The following DMD variants were observed in gnomAD, a reference collection of about 807,000 sequenced individuals.
The protein encoded by DMD is mutant dystrophin.
Under a neutral mutation model 330.1 loss-of-function variants are expected in DMD, and 63 were observed. The ratio of observed to expected loss-of-function variants is 0.19; its 90% CI spans 0.16 to 0.24. The LOEUF is 0.24. Among genes scored for constraint, DMD ranks in the 10% least tolerant of loss-of-function variants. DMD has a pLI of 1.00. For missense variants in DMD, 3,344 were observed against 2,684.1 expected, an observed-to-expected ratio of 1.25 and a Z score of -5.43; for synonymous variants, 1,223 against 959.8, an observed-to-expected ratio of 1.27 and a Z score of -5.07.
chrX:32,785,302 T>A (rs1273885275), intron 7 of DMD, among the ~76,000 whole-genome samples: 1 of 111,309 alleles, frequency 9.0e-6, no homozygotes, highest in African/African-American at 3.3e-5. Flanking sequence ...GTATTTGGCT[T>A]GTGTAAGTAA....
rs111387266 is a variant in DMD at position 32,477,072 on chromosome X, A to G, written c.2804-4763T>C. 9.9e-3 allele frequency among the ~76,000 whole-genome samples: 1,099 copies of G among 111,381 alleles called. 19 individuals carry two copies. The highest frequency in any genetic ancestry group is 0.033 in the African/African-American group (1,020 of 30,709). ...CGTTTAGCCAATATATTGCTTATAA[A>G]TATGTAACTTTTTTCTCTAAAGAAA... On this transcript the variant is annotated intron_variant, in intron 21 of 78. Transcript: ENST00000357033.
At chrX:32,611,526 C>A (rs147201552) in intron 12 of DMD, among the ~76,000 whole-genome samples, 1,579 of 111,583 alleles carry the variant, frequency 0.014, 12 homozygotes, top group Middle Eastern at 0.041. Context: ...TTTTCCATTT[C>A]ATTCACATTA....
intron 11 of DMD, among the ~76,000 whole-genome samples, chrX:32,627,045 A>G (rs1421466881): frequency 9.6e-6 from 1 of 104,081 alleles, no homozygotes. Context: ...CAATTCAATC[A>G]GAATATCTGG....
At chrX:31,198,929 A>G (rs2043171481) in intron 67 of DMD, among the ~76,000 whole-genome samples, 1 of 111,858 alleles carries the variant, frequency 8.9e-6, no homozygotes, top group South Asian at 3.8e-4. Flanking sequence ...TTATTTATCT[A>G]TCTCATTCTA....
chrX:33,009,652 G>A (rs868029585), intron 2 of DMD, among the ~76,000 whole-genome samples: 2 of 32,561 alleles, frequency 6.1e-5, no homozygotes, highest in African/African-American at 2.8e-4. Context: ...ACATATGTGT[G>A]TATACGTGTA....
intron 7 of DMD, among the ~76,000 whole-genome samples, chrX:32,763,060 TATATG>T (rs78696585): frequency 0.01 from 1,152 of 111,547 alleles, 6 homozygotes; most frequent in Non-Finnish European, 0.015. Flanking sequence ...TGGGGTCATT[TATATG>T]ATATGTCAGG....
chrX:32,520,193 T>C (rs2046283362), intron 17 of DMD, among the ~76,000 whole-genome samples: 1 of 111,787 alleles, frequency 8.9e-6, no homozygotes, highest in Admixed American at 9.5e-5. Flanking sequence ...ATCCACAAGT[T>C]TGACTATCAG....
chrX:32,931,350 G>A (rs1012173729), intron 2 of DMD, among the ~76,000 whole-genome samples: 5 of 111,253 alleles, frequency 4.5e-5, no homozygotes, highest in Admixed American at 9.7e-5. Flanking sequence ...AGAGTGCGTG[G>A]TTACTGTCGA....
chrX:32,603,324 C>T (rs2056388447), intron 12 of DMD, among the ~76,000 whole-genome samples: 1 of 110,975 alleles, frequency 9.0e-6, no homozygotes, highest in Non-Finnish European at 1.9e-5. Flanking sequence ...TAAAAAGAGA[C>T]ATACAACATA....
At chrX:32,967,849 T>C (rs942231979) in intron 2 of DMD, among the ~76,000 whole-genome samples, 23 of 112,039 alleles carry the variant, frequency 2.1e-4, no homozygotes, top group African/African-American at 7.4e-4. Context: ...GGTTGTAGAA[T>C]ATTTCTATGC....
At position 31,198,023 on chromosome X, in the gene DMD, TAA is replaced by T. The variant is rs61065027; in HGVS notation, c.9807+5936_9807+5937del. ...CATGTTCTCACTCATGTGTGGGAGC[TAA>T]AAAAAAAAAAAAAAAAAAAAATTGA... On this transcript the variant is annotated intron_variant, in intron 67 of 78. Coordinates refer to ENST00000357033, the MANE Select transcript of DMD (RefSeq NM_004006.3). Among the ~76,000 whole-genome samples, 472 of 64,878 alleles carry T rather than the reference TAA, an allele frequency of 7.3e-3. 2 individuals carry two copies. Among genetic ancestry groups the T allele is most frequent in the African/African-American group, 0.025 (436 of 17,119 alleles). 56.3% of individuals were successfully genotyped at this position (64,878 alleles called of 115,157 possible). A position where few individuals can be genotyped will look rare whatever the true frequency, so the allele number is the denominator to read the frequency against.
At chrX:32,360,585 C>T (rs2097828224) in intron 37 of DMD, among the ~76,000 whole-genome samples, 1 of 110,206 alleles carries the variant, frequency 9.1e-6, no homozygotes, top group Non-Finnish European at 1.9e-5. Context: ...GTCAGGAGTT[C>T]CAGACCAGCC....
chrX:32,297,118 T>A (rs2097499946), intron 42 of DMD, among the ~76,000 whole-genome samples: 2 of 111,277 alleles, frequency 1.8e-5, no homozygotes, highest in African/African-American at 6.5e-5. Flanking sequence ...CCACACTAGT[T>A]TTAACTAGTA....
At chrX:31,451,959 C>T (rs1164586950) in intron 59 of DMD, among the ~76,000 whole-genome samples, 1 of 110,403 alleles carries the variant, frequency 9.1e-6, no homozygotes, top group East Asian at 2.9e-4. Context: ...CAGGGCAATT[C>T]TTGTAAACTT....
At chrX:32,574,567 A>AGGT in intron 13 of DMD, among the ~76,000 whole-genome samples, 1 of 111,877 alleles carries the variant, frequency 8.9e-6, no homozygotes, top group African/African-American at 3.2e-5. Context: ...GCATTTCAAA[A>AGGT]TGGCAGTTAG....
chrX:32,307,271 T>A (rs2097543915), intron 42 of DMD, among the ~76,000 whole-genome samples: 1 of 111,421 alleles, frequency 9.0e-6, no homozygotes, highest in Non-Finnish European at 1.9e-5. Context: ...GGGGTCTTAA[T>A]CCTGGAACAG....
chrX:31,743,523 G>C (rs1272865876), intron 51 of DMD, among the ~76,000 whole-genome samples: 1 of 112,120 alleles, frequency 8.9e-6, no homozygotes, highest in Admixed American at 9.4e-5. Context: ...CCATAAAAAA[G>C]AACAAAATCA....
intron 30 of DMD, among the ~76,000 whole-genome samples, chrX:32,406,653 G>C (rs1201078267): frequency 9.0e-6 from 1 of 110,772 alleles, no homozygotes; most frequent in Non-Finnish European, 1.9e-5. Flanking sequence ...GATTCGGTTT[G>C]CCAGTATTTT....
At chrX:32,552,331 C>G (rs903946300) in intron 16 of DMD, among the ~76,000 whole-genome samples, 1 of 111,883 alleles carries the variant, frequency 8.9e-6, no homozygotes, top group African/African-American at 3.2e-5. Flanking sequence ...CTACAACCAT[C>G]TGTTCTTCAA....
Sources: gnomAD v4.1 joint callset for allele counts (sites outside exome capture counted in the v4.1 genomes callset) on GRCh38, gnomAD v4.1.1 for gene constraint, MANE v1.5 for transcripts, NCBI Gene and HGNC (gene_info 2026-07-23, HGNC 2026-07-21) for gene names.